PHLDB3: variants seen among roughly 807,000 people sequenced by gnomAD.
PHLDB3 encodes the protein pleckstrin homology like domain family B member 3, also known as pleckstrin homology-like domain family B member 3.
A neutral mutation model predicts 85.7 loss-of-function variants in PHLDB3; 86 were observed. The observed-to-expected ratio is 1.00, with a 90% CI of 0.84 to 1.20. The LOEUF is 1.20. PHLDB3 is among the 50% of genes most tolerant of loss of function. PHLDB3 has a pLI of 0.00. For synonymous variants in PHLDB3, 376 were observed against 349.8 expected, an observed-to-expected ratio of 1.07 and a Z score of -0.83; for missense variants, 995 against 873.0, an observed-to-expected ratio of 1.14 and a Z score of -1.76.
intron 2 of PHLDB3, among the ~76,000 whole-genome samples, chr19:43,502,614 CT>C (rs71336869): frequency 0.2 from 23,475 of 114,604 alleles, 1,695 homozygotes; most frequent in Non-Finnish European, 0.23. Flanking sequence ...ACGCCAAGCT[CT>C]TTTTTTTTTT....
intron 15 of PHLDB3, among the ~76,000 whole-genome samples, chr19:43,475,952 C>G (rs377130092): frequency 6.6e-6 from 1 of 152,182 alleles, no homozygotes; most frequent in Non-Finnish European, 1.5e-5. Flanking sequence ...TGTGCCACCA[C>G]GCCCAGCTAA....
Position 43,497,205 on chromosome 19 carries a change from C to T in PHLDB3, c.738G>A (p.Arg246=). The T allele has an allele frequency of 1.3e-6, 2 of 1,555,258 alleles. No individual in the cohort carries two copies. The highest frequency in any genetic ancestry group is 1.2e-5 in the South Asian group (1 of 83,340). The change falls in exon 6 of 16, where the codon CGG becomes CGA. Residue 246 remains arginine (R), a synonymous_variant. Transcript: ENST00000292140. ...LEFQQLERES[R]QEEEDRDSPG... ...GGCTGTCCCGATCCTCCTCCTCCTGCCGGCTCTCCCGCTCCAGTTGCTGGA... is the reference window on the plus strand; with the variant it reads ...GGCTGTCCCGATCCTCCTCCTCCTGTCGGCTCTCCCGCTCCAGTTGCTGGA...
chr19:43,496,786 A>T, intron 6 of PHLDB3: 1 of 365,296 alleles, frequency 2.7e-6, no homozygotes. Context: ...AAATAAAAAT[A>T]AAAAAATCCT....
At chr19:43,487,532 G>A (rs1352642271) in intron 9 of PHLDB3, among the ~76,000 whole-genome samples, 6 of 127,966 alleles carry the variant, frequency 4.7e-5, no homozygotes, top group Middle Eastern at 5.2e-3. Context: ...CTGAGATCGC[G>A]CCACTGTACT....
chr19:43,487,920 G>A (rs539509364), intron 9 of PHLDB3, among the ~76,000 whole-genome samples: 23 of 152,158 alleles, frequency 1.5e-4, no homozygotes, highest in East Asian at 7.7e-4. Flanking sequence ...TTGGGAGGCC[G>A]AGGCGGGTGA....
At chr19:43,485,655 C>G (rs1285019731) in intron 13 of PHLDB3, among the ~76,000 whole-genome samples, 1 of 149,792 alleles carries the variant, frequency 6.7e-6, no homozygotes, top group East Asian at 2.0e-4. Context: ...CCTGCGGGTT[C>G]AAGTGATTCT....
At chr19:43,492,113 C>T (rs979046395) in intron 9 of PHLDB3, among the ~76,000 whole-genome samples, 1 of 150,088 alleles carries the variant, frequency 6.7e-6, no homozygotes. Context: ...GCACCACACC[C>T]GGCTAATTTT....
At chr19:43,500,611 C>A (rs1177122644) in intron 4 of PHLDB3, among the ~76,000 whole-genome samples, 1 of 152,110 alleles carries the variant, frequency 6.6e-6, no homozygotes, top group East Asian at 1.9e-4. Flanking sequence ...CAAAAACTAA[C>A]CAGAAATAAG....
chr19:43,500,802 T>G (rs1184581557), intron 4 of PHLDB3, among the ~76,000 whole-genome samples: 2 of 151,868 alleles, frequency 1.3e-5, no homozygotes, highest in African/African-American at 4.8e-5. Context: ...GCCTGGTTAA[T>G]TTTTGTATTT....
Position 43,497,120 on chromosome 19 carries a change from T to A in PHLDB3, c.823A>T (p.Arg275Ter). ...QELQASMAQH[R>*]RGALQHRIRV... ...AGCGCTGGTCAGGCATGACTCACTC[T>A]GTGCTGCGCCATGCTGGCCTGGAGT... The change falls in exon 6 of 16, where the codon AGA becomes TGA. Residue 275 changes from arginine (R) to a stop codon, truncating the protein, a stop_gained and splice_region_variant. Transcript: ENST00000292140. LOFTEE classifies it high-confidence loss of function. 6.6e-7 allele frequency: 1 copy of A among 1,504,358 alleles called. No individual in the cohort carries two copies. 93.2% of individuals were successfully genotyped at this position (1,504,358 alleles called of 1,614,324 possible). A position where few individuals can be genotyped will look rare whatever the true frequency, so the allele number is the denominator to read the frequency against.
intron 2 of PHLDB3, among the ~76,000 whole-genome samples, 183 bp from the exon 3 acceptor site, chr19:43,502,466 T>TTC (rs1179239211): frequency 2.0e-5 from 3 of 150,434 alleles, no homozygotes; most frequent in African/African-American, 7.3e-5. Flanking sequence ...TCTTTTTTTT[T>TTC]TTTTTGTCCT....
intron 9 of PHLDB3, among the ~76,000 whole-genome samples, chr19:43,489,516 C>T (rs931109575): frequency 6.6e-6 from 1 of 151,862 alleles, no homozygotes; most frequent in African/African-American, 2.4e-5. Flanking sequence ...CCCTGGTGGC[C>T]CTCAGGAAGT....
chr19:43,481,115 A>C lies in PHLDB3; in HGVS notation c.1486-1522T>G, dbSNP rs117209990. Among the ~76,000 whole-genome samples the C allele has an allele frequency of 3.3e-5, 5 of 152,316 alleles. No homozygotes were observed. In the East Asian group the frequency reaches 9.6e-4, roughly 29 times the overall value. ...TCTGGAGTAGGGGGAGAGGTTCTGC[A>C]TGTCTGACAAGCTCCCAGGTGGGCC... On this transcript the variant is annotated intron_variant, in intron 13 of 15. Coordinates refer to ENST00000292140, the MANE Select transcript of PHLDB3 (RefSeq NM_198850.4).
rs1219584577 is a variant in PHLDB3, at chr19:43,494,707, G to A, written c.1144C>T (p.Leu382=). The change falls in exon 9 of 16, where the codon CTG becomes TTG. Residue 382 remains leucine (L), a synonymous_variant. Coordinates refer to ENST00000292140, the MANE Select transcript of PHLDB3 (RefSeq NM_198850.4). ...SSCLFSVHSS[L]QGSIGLQRTG... is the part of the protein sequence containing the mutation. ...AGAGGCCGTGGGGGAGGCACCTGCAGGGAGCTGTGGACAGAAAAGAGGCAG... is the reference window on the plus strand; with the variant it reads ...AGAGGCCGTGGGGGAGGCACCTGCAAGGAGCTGTGGACAGAAAAGAGGCAG... 2 of 1,610,464 alleles carry A rather than the reference G, an allele frequency of 1.2e-6. No individual in the cohort carries two copies. Among genetic ancestry groups the A allele is most frequent in the Non-Finnish European group, 8.5e-7 (1 of 1,178,102 alleles).
chr19:43,494,757 T>G lies in PHLDB3; in HGVS notation c.1094A>C (p.His365Pro). ...QLLVLQDAVA[H>P]SAATPTSSCL... is the part of the protein sequence containing the mutation. ...GGAAGAAGTAGGGGTGGCAGCGGAGTGGGCCACGGCATCCTGGAGCACCAG... is the reference window on the plus strand; with the variant it reads ...GGAAGAAGTAGGGGTGGCAGCGGAGGGGGCCACGGCATCCTGGAGCACCAG... The change falls in exon 9 of 16, where the codon CAC becomes CCC. Residue 365 changes from histidine to proline, a missense_variant. Transcript: ENST00000292140. 1 of 1,613,006 alleles carries G rather than the reference T, an allele frequency of 6.2e-7. No individual in the cohort carries two copies. Among genetic ancestry groups the G allele is most frequent in the Non-Finnish European group, 8.5e-7 (1 of 1,179,684 alleles).
chr19:43,486,704 G>T lies in PHLDB3; in HGVS notation c.1341-8C>A. Reference sequence around the variant, plus strand: ...GGATGGATGGCCCCACAGCTAGGAGGAGGGAACACAGACGGGGTGGGTTAC... The same window carrying T: ...GGATGGATGGCCCCACAGCTAGGAGTAGGGAACACAGACGGGGTGGGTTAC... On this transcript the variant is annotated splice_polypyrimidine_tract_variant and splice_region_variant and intron_variant, in intron 11 of 15. Coordinates refer to ENST00000292140, the MANE Select transcript of PHLDB3 (RefSeq NM_198850.4). 1 of 1,613,932 alleles carries T rather than the reference G, an allele frequency of 6.2e-7. No homozygotes were observed. The highest frequency in any genetic ancestry group is 8.5e-7 in the Non-Finnish European group (1 of 1,179,848).
At chr19:43,479,333 G>A in intron 14 of PHLDB3, 44 bp downstream of exon 14, 1 of 1,536,418 alleles carries the variant, frequency 6.5e-7, no homozygotes, top group Non-Finnish European at 8.8e-7. Flanking sequence ...CTCCGGAGTG[G>A]AATTCCAGCG....
intron 13 of PHLDB3, among the ~76,000 whole-genome samples, chr19:43,482,610 C>T (rs1971070972): frequency 6.6e-6 from 1 of 152,186 alleles, no homozygotes; most frequent in South Asian, 2.1e-4. Context: ...GTGATCTTGG[C>T]TCATTGCAAC....
chr19:43,497,708 T>C lies in PHLDB3; in HGVS notation c.663+40A>G, dbSNP rs75938709. 7,111 of 1,542,400 alleles carry C rather than the reference T, an allele frequency of 4.6e-3. 33 individuals are homozygous for C. The highest frequency in any genetic ancestry group is 0.024 in the Middle Eastern group (136 of 5,720). ...GCCTGGGCAACGAGGCGAGACTCTG[T>C]CTCAAAAAAAACAAAAAAGAAAGAA... On this transcript the variant is annotated intron_variant, in intron 5 of 15. Transcript: ENST00000292140.
Sources: gnomAD v4.1 joint callset for allele counts (sites outside exome capture counted in the v4.1 genomes callset) on GRCh38, gnomAD v4.1.1 for gene constraint, MANE v1.5 for transcripts, NCBI Gene and HGNC (gene_info 2026-07-23, HGNC 2026-07-21) for gene names.